ZNF655: variants seen among roughly 807,000 people sequenced by gnomAD.
The protein encoded by ZNF655 is Vav-interacting Kruppel-like protein 1.
A neutral mutation model predicts 6.6 loss-of-function variants in ZNF655; 3 were observed. The ratio of observed to expected loss-of-function variants is 0.46; its 90% CI spans 0.21 to 1.18. The LOEUF (loss-of-function observed/expected upper bound fraction) is 1.18. ZNF655 is among the 50% of genes most tolerant of loss of function. The pLI is 0.24. For missense variants in ZNF655, 526 were observed against 572.3 expected, an observed-to-expected ratio of 0.92 and a Z score of 0.83; for synonymous variants, 178 against 195.0, an observed-to-expected ratio of 0.91 and a Z score of 0.73.
chr7:99,574,522 G>T lies in ZNF655; in HGVS notation c.*938G>T, dbSNP rs537227729. ...CTCCCAAAGTGCTGGGGTTACAGGC[G>T]TGTGTCACTGTGCTGGGCCTATTTT... On this transcript the variant is annotated 3_prime_UTR_variant, in exon 3 of 3. Coordinates refer to ENST00000252713, the MANE Select transcript of ZNF655 (RefSeq NM_138494.3). 1 of 152,280 alleles carries T rather than the reference G, an allele frequency of 6.6e-6. No homozygotes were observed. The highest frequency in any genetic ancestry group is 2.1e-4 in the South Asian group (1 of 4,824). 9.4% of individuals were successfully genotyped at this position (152,280 alleles called of 1,614,324 possible). A position where few individuals can be genotyped will look rare whatever the true frequency, so the allele number is the denominator to read the frequency against.
Position 99,573,526 on chromosome 7 carries a change from CCAGT to C in ZNF655, c.1422_1425del (p.Ser474ArgfsTer5). The C allele has an allele frequency of 7.5e-6, 12 of 1,610,302 alleles. No homozygotes were observed. The highest frequency in any genetic ancestry group is 1.0e-5 in the Non-Finnish European group (12 of 1,179,952). Reference sequence around the variant, plus strand: ...GATTGTGATGTATGGGAAAAGAACTCCAGTCAGAGAGCACATCTAGTTCAACATC... The same window carrying C: ...GATTGTGATGTATGGGAAAAGAACTCCAGAGAGCACATCTAGTTCAACATC... On this transcript the variant is annotated frameshift_variant, in exon 3 of 3. Coordinates refer to ENST00000252713, the MANE Select transcript of ZNF655 (RefSeq NM_138494.3). LOFTEE classifies it high-confidence loss of function.
At chr7:99,561,262 T>G (rs1325767129) in intron 2 of ZNF655, among the ~76,000 whole-genome samples, 2 of 152,236 alleles carry the variant, frequency 1.3e-5, no homozygotes, top group African/African-American at 4.8e-5. Flanking sequence ...ATAGGTAGGT[T>G]GGTCTTTTTC....
intron 2 of ZNF655, chr7:99,563,330 T>C: frequency 5.2e-6 from 1 of 190,716 alleles, no homozygotes; most frequent in South Asian, 1.1e-4. Context: ...TATTTTATTT[T>C]ATTTTTAGAT....
intron 2 of ZNF655, among the ~76,000 whole-genome samples, chr7:99,561,449 C>G (rs1209194317): frequency 6.6e-6 from 1 of 152,090 alleles, no homozygotes; most frequent in Non-Finnish European, 1.5e-5. Flanking sequence ...TTCTTGGGGG[C>G]CTTACACACT....
rs769483604 is a variant in ZNF655, at chr7:99,573,331, A to G, written c.1223A>G (p.His408Arg). Residue 408 changes from histidine to arginine, a missense_variant, in exon 3 of 3, where the codon CAT becomes CGT. By Grantham distance (29) the His-to-Arg change is conservative. Coordinates refer to ENST00000252713, the MANE Select transcript of ZNF655 (RefSeq NM_138494.3). ...AGAATTCACACAGGAGAGAAAGCAC[A>G]TGAATGTAATGAATGTGGAAAAGCT... ...HQRIHTGEKA[H>R]ECNECGKAFS... is the part of the protein sequence containing the mutation. 22 of 1,614,238 alleles carry G rather than the reference A, an allele frequency of 1.4e-5. No homozygotes were observed. The highest frequency in any genetic ancestry group is 1.9e-5 in the Non-Finnish European group (22 of 1,180,028).
Position 99,562,849 on chromosome 7 carries a change from C to G in ZNF655, c.136+2154C>G, listed in dbSNP as rs546608575. On this transcript the variant is annotated intron_variant, in intron 2 of 2. Transcript: ENST00000252713. ...CCAGGGTGGCCTCCCAACCTCCAAC[C>G]AGACACTTTCCTCTTTGTTATCTCA... is the stretch of plus-strand genomic sequence containing the variant. Among the ~76,000 whole-genome samples the G allele has an allele frequency of 2.0e-4, 31 of 152,270 alleles. No homozygotes were observed. In the South Asian group the frequency reaches 3.5e-3, roughly 17 times the overall value.
chr7:99,569,505 G>A (rs1355246080), intron 2 of ZNF655, among the ~76,000 whole-genome samples: 1 of 152,036 alleles, frequency 6.6e-6, no homozygotes, highest in Non-Finnish European at 1.5e-5. Context: ...GCTAGGTTCT[G>A]AAATAAGACT....
rs756994596 is a variant in ZNF655, at chr7:99,560,664, G to C, written c.105G>C (p.Gln35His). 7 of 1,614,014 alleles carry C rather than the reference G, an allele frequency of 4.3e-6. No homozygotes were observed. The Admixed American group carries it at 1.2e-4, about 27-fold the overall frequency. The change falls in exon 2 of 3, where the codon CAG (glutamine) becomes CAC (histidine). Residue 35 changes from glutamine to histidine, a missense_variant. Coordinates refer to ENST00000252713, the MANE Select transcript of ZNF655 (RefSeq NM_138494.3). ...TGTCCCCAGAGCCTCAGTTTGTGCA[G>C]GACACCGACATGGAACAGGGACTCA... ...ECLSPEPQFVQDTDMEQGLTG... is the reference protein window; with the variant it reads ...ECLSPEPQFVHDTDMEQGLTG...
At chr7:99,559,867 A>T (rs1408480712) in intron 1 of ZNF655, among the ~76,000 whole-genome samples, 1 of 140,516 alleles carries the variant, frequency 7.1e-6, no homozygotes, top group Non-Finnish European at 1.5e-5. Context: ...AGCTTAAGGG[A>T]TCCACCCGTC....
rs1316006350 is a variant in ZNF655, at chr7:99,575,781, T to G, written c.*2197T>G. 7 of 152,182 alleles carry G rather than the reference T, an allele frequency of 4.6e-5. No individual in the cohort carries two copies. Among genetic ancestry groups the G allele is most frequent in the Admixed American group, 1.3e-4 (2 of 15,278 alleles). The allele number at this position is 152,182 out of a possible 1,614,324, so 9.4% of individuals were successfully genotyped here. A position where few individuals can be genotyped will look rare whatever the true frequency, so the allele number is the denominator to read the frequency against. On this transcript the variant is annotated 3_prime_UTR_variant, in exon 3 of 3. Transcript: ENST00000252713. ...GGACAGTATTTGAAGTGTGAGGGCT[T>G]TGTGTATAGTTGTTTATCCATTACC...
At chr7:99,567,260 G>A (rs1803699928) in intron 2 of ZNF655, among the ~76,000 whole-genome samples, 1 of 152,210 alleles carries the variant, frequency 6.6e-6, no homozygotes, top group African/African-American at 2.4e-5. Context: ...TCGGCCAGGT[G>A]CTGTGGCTCA....
At chr7:99,560,102 T>TG (rs1802993960) in intron 1 of ZNF655, among the ~76,000 whole-genome samples, 2 of 151,172 alleles carry the variant, frequency 1.3e-5, no homozygotes, top group South Asian at 4.2e-4. Flanking sequence ...TTTTTTTTTT[T>TG]GGGACGGAGT....
chr7:99,561,490 C>T (rs759636319), intron 2 of ZNF655, among the ~76,000 whole-genome samples: 6 of 152,176 alleles, frequency 3.9e-5, no homozygotes, highest in East Asian at 1.9e-4. Flanking sequence ...ACAAGAGAAA[C>T]GCTGATCAAG....
rs62619783 is a variant in ZNF655 at position 99,563,862 on chromosome 7, G to A, written c.136+3167G>A. ...CATTCCTGGCTCTTTAATCTTTGTA[G>A]GCATACTTCTCCGCCTTCCCACCAC... On this transcript the variant is annotated intron_variant, in intron 2 of 2. Coordinates refer to ENST00000252713, the MANE Select transcript of ZNF655 (RefSeq NM_138494.3). 4.9e-3 allele frequency: 7,835 copies of A among 1,608,176 alleles called. 38 individuals carry two copies. The highest frequency in any genetic ancestry group is 8.6e-3 in the South Asian group (780 of 90,574).
rs1804370406 is a variant in ZNF655 at position 99,575,966 on chromosome 7, C to T, written c.*2382C>T. ...AATGTCAAAACATTTTGTATTTTTC[C>T]ATCTTAAGCTTTATAACATTTTGTG... On this transcript the variant is annotated 3_prime_UTR_variant, in exon 3 of 3. Coordinates refer to ENST00000252713, the MANE Select transcript of ZNF655 (RefSeq NM_138494.3). 1 of 152,088 alleles carries T rather than the reference C, an allele frequency of 6.6e-6. No individual in the cohort carries two copies. The highest frequency in any genetic ancestry group is 1.5e-5 in the Non-Finnish European group (1 of 68,000). The allele number at this position is 152,088 out of a possible 1,614,324, so 9.4% of individuals were successfully genotyped here. A position where few individuals can be genotyped will look rare whatever the true frequency, so the allele number is the denominator to read the frequency against.
At chr7:99,563,528 G>A (rs1418967833) in intron 2 of ZNF655, among the ~76,000 whole-genome samples, 1 of 152,036 alleles carries the variant, frequency 6.6e-6, no homozygotes, top group African/African-American at 2.4e-5. Context: ...ATGCTGGTCA[G>A]GCTGATCTCG....
chr7:99,564,355 A>G (rs1584250352), intron 2 of ZNF655: 21 of 1,128,496 alleles, frequency 1.9e-5, no homozygotes, highest in Non-Finnish European at 2.3e-5. Flanking sequence ...GGCGAACACA[A>G]CCTGCCCCGT....
Position 99,573,093 on chromosome 7 carries a change from C to G in ZNF655, c.985C>G (p.Pro329Ala), listed in dbSNP as rs1462953655. ...ACATCAGAAAATTCACAAAGAGATGCCCTGTAAGTGTACTGTATGTGGCAG... is the reference window on the plus strand; with the variant it reads ...ACATCAGAAAATTCACAAAGAGATGGCCTGTAAGTGTACTGTATGTGGCAG... ...TQHQKIHKEM[P>A]CKCTVCGSDF... is the part of the protein sequence containing the mutation. Residue 329 changes from proline to alanine, a missense_variant, in exon 3 of 3, where the codon CCC (proline) becomes GCC (alanine). Coordinates refer to ENST00000252713, the MANE Select transcript of ZNF655 (RefSeq NM_138494.3). The G allele has an allele frequency of 1.2e-6, 2 of 1,614,084 alleles. No individual in the cohort carries two copies. The highest frequency in any genetic ancestry group is 2.2e-5 in the South Asian group (2 of 91,078).
At chr7:99,563,326 A>G (rs1803355715) in intron 2 of ZNF655, 2 of 196,564 alleles carry the variant, frequency 1.0e-5, no homozygotes, top group Admixed American at 6.1e-5. Context: ...TTTTTATTTT[A>G]TTTTATTTTT....
Sources: allele counts gnomAD v4.1 joint callset (sites outside exome capture counted in the v4.1 genomes callset), GRCh38; gene constraint gnomAD v4.1.1; transcripts MANE v1.5; gene names NCBI Gene and HGNC (gene_info 2026-07-23, HGNC 2026-07-21).